The following PLCB1 variants were observed in gnomAD, a reference collection of about 807,000 sequenced individuals.
PLCB1 encodes 1-phosphatidylinositol 4,5-bisphosphate phosphodiesterase beta-1.
In PLCB1, 46 loss-of-function variants were observed where a neutral mutation model predicts 161.8. That is an observed-to-expected ratio of 0.28 (90% CI 0.22 to 0.36). PLCB1 has a LOEUF of 0.36. Among genes scored for constraint, PLCB1 ranks in the 10% least tolerant of loss-of-function variants. PLCB1 has a pLI of 1.00. For missense variants in PLCB1, 1,016 were observed against 1,472.5 expected (o/e 0.69, Z 5.07); for synonymous variants, 517 against 503.7 (o/e 1.03, Z -0.35).
At chr20:8,135,892 G>A (rs1007850685) in intron 1 of PLCB1, among the ~76,000 whole-genome samples, 1 of 152,130 alleles carries the variant, frequency 6.6e-6, no homozygotes, top group African/African-American at 2.4e-5. Context: ...TGGAAGGAGA[G>A]TTACTTTCTT....
intron 31 of PLCB1, among the ~76,000 whole-genome samples, chr20:8,864,051 T>G (rs1316272929): frequency 6.6e-6 from 1 of 152,264 alleles, no homozygotes; most frequent in African/African-American, 2.4e-5. Context: ...TTTATTTTTC[T>G]TGGCATACAA....
At position 8,495,388 on chromosome 20, in the gene PLCB1, C is replaced by CTTTTTTTTTTTTTTT. The variant is rs869173548; in HGVS notation, c.246+123951_246+123965dup. Reference sequence around the variant, plus strand: ...TGTGGACTTTGCCTTACCTTCCTTTCTTTTTTTTTTTTTTTTTTTTTTTTT... The same window carrying CTTTTTTTTTTTTTTT: ...TGTGGACTTTGCCTTACCTTCCTTTCTTTTTTTTTTTTTTTTTTTTTTTTTTTTTTTTTTTTTTTT... On this transcript the variant is annotated intron_variant, in intron 3 of 31. Coordinates refer to ENST00000338037, the MANE Select transcript of PLCB1 (RefSeq NM_015192.4). 6.5e-4 allele frequency among the ~76,000 whole-genome samples: 61 copies of CTTTTTTTTTTTTTTT among 94,362 alleles called. 5 individuals carry two copies. Among genetic ancestry groups the CTTTTTTTTTTTTTTT allele is most frequent in the African/African-American group, 2.6e-3 (58 of 22,224 alleles). The allele number at this position is 94,362 out of a possible 152,430, so 61.9% of individuals were successfully genotyped here.
At chr20:8,619,436 A>G (rs974821086) in intron 3 of PLCB1, among the ~76,000 whole-genome samples, 3 of 151,742 alleles carry the variant, frequency 2.0e-5, no homozygotes, top group African/African-American at 7.3e-5. Context: ...AAAAAAAAAG[A>G]AAAAAAGAAA....
intron 2 of PLCB1, among the ~76,000 whole-genome samples, chr20:8,230,549 A>T (rs1419664088): frequency 5.3e-5 from 8 of 152,162 alleles, no homozygotes; most frequent in Non-Finnish European, 4.4e-5. Context: ...ACCCACCACT[A>T]ATCTTTCCAT....
chr20:8,417,479 G>A lies in PLCB1; in HGVS notation c.246+46029G>A, dbSNP rs1326710300. The stretch of plus-strand genomic sequence containing the variant: ...TTTTTTTTAGTTCTAGGTAAAAACA[G>A]TGTCATTGATTTACTATCAGTGAAT... On this transcript the variant is annotated intron_variant, in intron 3 of 31. Transcript: ENST00000338037. 2.0e-5 allele frequency among the ~76,000 whole-genome samples: 3 copies of A among 151,290 alleles called. No homozygotes were observed. In the South Asian group the frequency reaches 6.2e-4, roughly 31 times the overall value.
chr20:8,634,562 G>A (rs748056020), intron 4 of PLCB1, among the ~76,000 whole-genome samples: 3 of 152,134 alleles, frequency 2.0e-5, no homozygotes, highest in Non-Finnish European at 4.4e-5. Flanking sequence ...CAGGTCTCAT[G>A]GATAGTCATT....
chr20:8,400,317 G>A (rs1028184764), intron 3 of PLCB1, among the ~76,000 whole-genome samples: 10 of 152,074 alleles, frequency 6.6e-5, no homozygotes, highest in Non-Finnish European at 1.3e-4. Context: ...TATTCTTTGT[G>A]CCAGAATTTT....
intron 10 of PLCB1, among the ~76,000 whole-genome samples, chr20:8,686,503 TTTTA>T (rs1990361596): frequency 6.6e-6 from 1 of 152,224 alleles, no homozygotes; most frequent in African/African-American, 2.4e-5. Context: ...TTACATTCTA[TTTTA>T]TTTGTCATAT....
intron 31 of PLCB1, among the ~76,000 whole-genome samples, chr20:8,817,571 G>T (rs1295871569): frequency 6.6e-6 from 1 of 152,132 alleles, no homozygotes; most frequent in Non-Finnish European, 1.5e-5. Context: ...AAAACAAAGA[G>T]ATTTAATTTA....
At chr20:8,740,892 T>G (rs1980841659) in intron 22 of PLCB1, among the ~76,000 whole-genome samples, 1 of 152,206 alleles carries the variant, frequency 6.6e-6, no homozygotes, top group Non-Finnish European at 1.5e-5. Flanking sequence ...TGTAAGACAC[T>G]GGGGAGTAGT....
intron 3 of PLCB1, among the ~76,000 whole-genome samples, chr20:8,435,760 G>T (rs1397269607): frequency 1.3e-5 from 2 of 152,186 alleles, no homozygotes; most frequent in Admixed American, 6.5e-5. Context: ...GACATTGACA[G>T]GAGAGTGGGT....
intron 25 of PLCB1, among the ~76,000 whole-genome samples, chr20:8,761,520 G>GGTTTT (rs1257939086): frequency 4.6e-5 from 7 of 152,242 alleles, no homozygotes; most frequent in Admixed American, 1.3e-4. Flanking sequence ...AACATGGTTT[G>GGTTTT]GTTTTGTTTT....
chr20:8,506,659 T>A (rs997489357), intron 3 of PLCB1, among the ~76,000 whole-genome samples: 2 of 152,194 alleles, frequency 1.3e-5, no homozygotes, highest in Non-Finnish European at 2.9e-5. Flanking sequence ...TAGAGTTAAA[T>A]AATCAGTCCA....
intron 3 of PLCB1, among the ~76,000 whole-genome samples, chr20:8,472,021 G>A (rs578127011): frequency 1.1e-4 from 16 of 152,220 alleles, no homozygotes; most frequent in African/African-American, 3.1e-4. Flanking sequence ...AGTTCACATT[G>A]CTTCAGGTTG....
chr20:8,203,827 G>T (rs1978372895), intron 2 of PLCB1, among the ~76,000 whole-genome samples: 2 of 152,132 alleles, frequency 1.3e-5, no homozygotes, highest in Admixed American at 1.3e-4. Context: ...TCTTGCCCTT[G>T]AATTGGTACA....
intron 31 of PLCB1, among the ~76,000 whole-genome samples, chr20:8,852,998 T>C (rs367929044): frequency 3.3e-5 from 5 of 152,270 alleles, no homozygotes; most frequent in African/African-American, 7.2e-5. Flanking sequence ...GCAGGTCAGG[T>C]GAGTGTCACC....
At chr20:8,470,119 A>G (rs1466288503) in intron 3 of PLCB1, among the ~76,000 whole-genome samples, 1 of 152,146 alleles carries the variant, frequency 6.6e-6, no homozygotes, top group African/African-American at 2.4e-5. Context: ...ATTCCATTTT[A>G]TGGTCAAATA....
At chr20:8,318,576 C>T (rs1468355978) in intron 2 of PLCB1, among the ~76,000 whole-genome samples, 1 of 152,078 alleles carries the variant, frequency 6.6e-6, no homozygotes, top group East Asian at 1.9e-4. Context: ...ATACCTTCCA[C>T]ATAGAAGATG....
At position 8,241,656 on chromosome 20, in the gene PLCB1, G is replaced by C. The variant is rs368886878; in HGVS notation, c.177+91285G>C. Reference sequence around the variant, plus strand: ...ACTTACAACCCATGTTGTAAGTCTTGTTTTGTTTGATTTCCGTATCAGGAA... The same window carrying C: ...ACTTACAACCCATGTTGTAAGTCTTCTTTTGTTTGATTTCCGTATCAGGAA... On this transcript the variant is annotated intron_variant, in intron 2 of 31. Transcript: ENST00000338037. Among the ~76,000 whole-genome samples the C allele has an allele frequency of 2.1e-4, 32 of 151,950 alleles. 1 individual carries two copies. The highest frequency in any genetic ancestry group is 8.5e-4 in the Admixed American group (13 of 15,244).
Sources: gnomAD v4.1 joint callset for allele counts (sites outside exome capture counted in the v4.1 genomes callset) on GRCh38, gnomAD v4.1.1 for gene constraint, MANE v1.5 for transcripts, NCBI Gene and HGNC (gene_info 2026-07-23, HGNC 2026-07-21) for gene names.